NAA11: variants seen among roughly 807,000 people sequenced by gnomAD.
NAA11 encodes N-alpha-acetyltransferase 11, NatA catalytic subunit.
NAA11 carries 15 observed loss-of-function variants against 16.1 expected under a neutral mutation model. That is an observed-to-expected ratio of 0.93 (90% CI 0.62 to 1.44). The LOEUF (loss-of-function observed/expected upper bound fraction) is 1.44, where lower values mean the gene tolerates loss of function less well. NAA11 is among the 40% of genes most tolerant of loss of function. NAA11 has a pLI of 0.00. For missense variants in NAA11, 298 were observed against 291.3 expected (o/e 1.02, Z -0.17); for synonymous variants, 122 against 112.4 (o/e 1.09, Z -0.54).
intron 2 of NAA11, among the ~76,000 whole-genome samples, chr4:79,266,538 C>A (rs1722349763): frequency 6.6e-6 from 1 of 152,230 alleles, no homozygotes; most frequent in Non-Finnish European, 1.5e-5. Flanking sequence ...TGCTCTCTTA[C>A]AGTTTGGCGT....
At chr4:79,262,897 T>A (rs981990528) in intron 2 of NAA11, among the ~76,000 whole-genome samples, 2 of 152,146 alleles carry the variant, frequency 1.3e-5, no homozygotes, top group African/African-American at 4.8e-5. Flanking sequence ...GTGAGTATTA[T>A]ATATCTATCA....
the NAA11 span, among the ~76,000 whole-genome samples, chr4:79,202,623 T>TTATATATATATATATATATGTG: frequency 1.9e-5 from 1 of 52,622 alleles, no homozygotes; most frequent in African/African-American, 4.6e-5. Flanking sequence ...ATATATAGTT[T>TTATATATATATATATATATGTG]TATATATATA....
intron 1 of NAA11, among the ~76,000 whole-genome samples, chr4:79,301,012 GTTTGCA>G (rs1211683014): frequency 1.3e-5 from 2 of 152,248 alleles, no homozygotes; most frequent in East Asian, 3.9e-4. Context: ...TCACACACAG[GTTTGCA>G]TCATGTCTCT....
downstream of NAA11, among the ~76,000 whole-genome samples, chr4:79,220,835 T>G (rs1452156678): frequency 6.6e-6 from 1 of 152,138 alleles, no homozygotes; most frequent in African/African-American, 2.4e-5. Flanking sequence ...TCTTTTGGCG[T>G]AGGATTGACT....
At chr4:79,284,438 A>G (rs1170612005) in intron 2 of NAA11, among the ~76,000 whole-genome samples, 1 of 152,058 alleles carries the variant, frequency 6.6e-6, no homozygotes, top group Non-Finnish European at 1.5e-5. Context: ...TTTGATATCC[A>G]TGTCTATCAA....
At chr4:79,195,213 A>G in the NAA11 span, among the ~76,000 whole-genome samples, 1 of 152,130 alleles carries the variant, frequency 6.6e-6, no homozygotes, top group African/African-American at 2.4e-5. Context: ...GAGAATAAAC[A>G]GAGCCTACAG....
downstream of NAA11, among the ~76,000 whole-genome samples, chr4:79,315,899 G>A (rs995766623): frequency 6.6e-6 from 1 of 152,146 alleles, no homozygotes; most frequent in Non-Finnish European, 1.5e-5. Context: ...CAGATAGGCT[G>A]CTATAATTCT....
At chr4:79,307,146 T>C (rs1223934589) in intron 1 of NAA11, 1 of 152,260 alleles carries the variant, frequency 6.6e-6, no homozygotes, top group Non-Finnish European at 1.5e-5. Context: ...CTATATCAAC[T>C]TTCATGTTAC....
At chr4:79,293,708 A>G (rs1209785016) in intron 2 of NAA11, among the ~76,000 whole-genome samples, 1 of 152,194 alleles carries the variant, frequency 6.6e-6, no homozygotes, top group Non-Finnish European at 1.5e-5. Context: ...ATGGTAATGA[A>G]CAAGTGAGAA....
chr4:79,323,228 T>G (rs1416531274), intron 1 of NAA11, among the ~76,000 whole-genome samples: 1 of 152,200 alleles, frequency 6.6e-6, no homozygotes, highest in Non-Finnish European at 1.5e-5. Flanking sequence ...TGTTAAAGCC[T>G]GTAAACTGCC....
chr4:79,188,942 T>C, the NAA11 span, among the ~76,000 whole-genome samples: 3 of 150,590 alleles, frequency 2.0e-5, no homozygotes, highest in African/African-American at 4.9e-5. Context: ...TATAAGAAAC[T>C]TGTGAAGGGC....
chr4:79,256,863 A>G (rs1038601814), intron 2 of NAA11, among the ~76,000 whole-genome samples: 1 of 151,704 alleles, frequency 6.6e-6, no homozygotes, highest in Admixed American at 6.6e-5. Context: ...TGTGTTGACC[A>G]GGCTGGTCTC....
the NAA11 span, among the ~76,000 whole-genome samples, chr4:79,189,051 C>A: frequency 2.0e-5 from 3 of 149,316 alleles, no homozygotes; most frequent in African/African-American, 7.4e-5. Flanking sequence ...GAGGCTGAGG[C>A]AGGAGAACCG....
Position 79,303,076 on chromosome 4 carries a change from T to TTATACATATA in NAA11, c.*13-8963_*13-8962insTATATGTATA, listed in dbSNP as rs1013787503. ...TTCATTCCTGTTCTCTTGAGGCCTT[T>TTATACATATA]TATATATATATATATATATATATAT... is the stretch of plus-strand genomic sequence containing the variant. On this transcript the variant is annotated intron_variant and NMD_transcript_variant, in intron 1 of 2. Coordinates refer to the NAA11 transcript ENST00000511542. Among the ~76,000 whole-genome samples the TTATACATATA allele has an allele frequency of 3.1e-4, 21 of 67,524 alleles. 1 individual carries two copies. The highest frequency in any genetic ancestry group is 4.8e-4 in the Non-Finnish European group (17 of 35,072). 44.3% of individuals were successfully genotyped at this position (67,524 alleles called of 152,430 possible). A position where few individuals can be genotyped will look rare whatever the true frequency, so the allele number is the denominator to read the frequency against.
chr4:79,248,886 A>G (rs1721917231), intron 2 of NAA11, among the ~76,000 whole-genome samples: 1 of 152,214 alleles, frequency 6.6e-6, no homozygotes, highest in South Asian at 2.1e-4. Context: ...CTGCCACTGC[A>G]CTGACACATG....
intron 2 of NAA11, among the ~76,000 whole-genome samples, chr4:79,286,099 A>T (rs941533626): frequency 6.6e-6 from 1 of 152,076 alleles, no homozygotes; most frequent in African/African-American, 2.4e-5. Flanking sequence ...CTGAAATTTT[A>T]CTGTCTGTAT....
the NAA11 span, among the ~76,000 whole-genome samples, chr4:79,200,174 T>A: frequency 2.6e-5 from 4 of 152,012 alleles, no homozygotes; most frequent in South Asian, 8.3e-4. Context: ...CTGGGACCTC[T>A]GTGCCTCAGT....
chr4:79,204,664 T>C, the NAA11 span, among the ~76,000 whole-genome samples: 1 of 151,714 alleles, frequency 6.6e-6, no homozygotes, highest in Non-Finnish European at 1.5e-5. Context: ...TGTCACCCAA[T>C]AGTGCACACT....
At chr4:79,278,871 G>A (rs1253231158) in intron 2 of NAA11, among the ~76,000 whole-genome samples, 1 of 152,054 alleles carries the variant, frequency 6.6e-6, no homozygotes, top group Non-Finnish European at 1.5e-5. Context: ...ACAGAAATTT[G>A]TTTCCCACAG....
Sources: gnomAD v4.1 joint callset for allele counts (sites outside exome capture counted in the v4.1 genomes callset) on GRCh38, gnomAD v4.1.1 for gene constraint, MANE v1.5 for transcripts, NCBI Gene and HGNC (gene_info 2026-07-23, HGNC 2026-07-21) for gene names.